The following SEMA3E variants were observed in gnomAD, a reference collection of about 807,000 sequenced individuals.
The protein encoded by SEMA3E is semaphorin 3E.
In SEMA3E, 49 loss-of-function variants were observed where a neutral mutation model predicts 93.6. That is an observed-to-expected ratio of 0.52 (90% CI 0.42 to 0.66). SEMA3E has a LOEUF of 0.66. Among genes scored for constraint, SEMA3E ranks in the 30% least tolerant of loss-of-function variants. SEMA3E has a pLI of 0.00. For synonymous variants in SEMA3E, 363 were observed against 330.7 expected (o/e 1.10, Z -1.06); for missense variants, 906 against 964.8 (o/e 0.94, Z 0.81).
chr7:83,514,456 ATGAG>A (rs1331260522), intron 1 of SEMA3E, among the ~76,000 whole-genome samples: 9 of 152,098 alleles, frequency 5.9e-5, no homozygotes, highest in Admixed American at 3.9e-4. Flanking sequence ...CTGTAATGTC[ATGAG>A]TTCAAATTCA....
At chr7:83,549,417 T>A (rs1001367321) in intron 1 of SEMA3E, among the ~76,000 whole-genome samples, 69 of 152,158 alleles carry the variant, frequency 4.5e-4, no homozygotes, top group African/African-American at 1.6e-3. Context: ...CCAATTATGC[T>A]TTTCCTGTCT....
intron 4 of SEMA3E, among the ~76,000 whole-genome samples, chr7:83,453,515 C>A (rs1789408769): frequency 6.8e-6 from 1 of 146,256 alleles, no homozygotes; most frequent in Non-Finnish European, 1.5e-5. Flanking sequence ...ACAAAAGAAA[C>A]AAACAAAACC....
At chr7:83,456,591 C>T (rs1457019479) in intron 4 of SEMA3E, among the ~76,000 whole-genome samples, 1 of 91,218 alleles carries the variant, frequency 1.1e-5, no homozygotes, top group Non-Finnish European at 2.1e-5. Context: ...TTTAACGACT[C>T]TATTTTATTT....
intron 1 of SEMA3E, among the ~76,000 whole-genome samples, chr7:83,544,900 C>T (rs554329827): frequency 7.9e-5 from 12 of 151,826 alleles, no homozygotes; most frequent in East Asian, 3.9e-4. Flanking sequence ...TTGACTTGAA[C>T]GAAATATATT....
At position 83,385,346 on chromosome 7, in the gene SEMA3E, T is replaced by C. The variant is rs1353828320; in HGVS notation, c.1823A>G (p.Gln608Arg). The C allele has an allele frequency of 1.2e-6, 2 of 1,613,448 alleles. No homozygotes were observed. The highest frequency in any genetic ancestry group is 2.2e-5 in the East Asian group (1 of 44,852). Reference sequence around the variant, plus strand: ...CTGTACAAACCAGATAACTTTCGCTTGTAAAGATCGTGGGGTACATTCCAG... The same window carrying C: ...CTGTACAAACCAGATAACTTTCGCTCGTAAAGATCGTGGGGTACATTCCAG... The part of the protein sequence containing the change: ...TLLECTPRSL[Q>R]AKVIWFVQKG... The change falls in exon 16 of 17, where the codon CAA (glutamine) becomes CGA (arginine). Residue 608 changes from glutamine (Q) to arginine (R), a missense_variant. Coordinates refer to ENST00000643230, the MANE Select transcript of SEMA3E (RefSeq NM_012431.3).
rs1210529028 is a variant in SEMA3E at position 83,373,148 on chromosome 7, A to T, written c.1876-5110T>A. ...TTCAGTATGTTTTATAATTTCTAGT[A>T]AAAAAAAAAGTAATTGAACAAAGAA... On this transcript the variant is annotated intron_variant, in intron 16 of 16. Coordinates refer to ENST00000643230, the MANE Select transcript of SEMA3E (RefSeq NM_012431.3). 8 of 115,308 alleles carry T rather than the reference A, an allele frequency of 6.9e-5. No homozygotes were observed. The East Asian group carries it at 2.2e-3, about 31-fold the overall frequency. The allele number at this position is 115,308 out of a possible 1,614,324, so 7.1% of individuals were successfully genotyped here.
In SEMA3E at chr7:83,490,213, A is replaced by T. The variant is rs762286847; in HGVS notation, c.177T>A (p.His59Gln). The change falls in exon 2 of 17, where the codon CAT becomes CAA. Residue 59 changes from histidine to glutamine, a missense_variant. By Grantham distance (24) the His-to-Gln change is conservative (BLOSUM62 0). Transcript: ENST00000643230. ...FHSPFGFLDLHTMLLDEYQER... is the reference protein window; with the variant it reads ...FHSPFGFLDLQTMLLDEYQER... ...CTTGATATTCATCCAGCAGCATTGT[A>T]TGGAGATCAAGAAATCCAAAAGGGC... The T allele has an allele frequency of 6.2e-7, 1 of 1,613,052 alleles. No individual in the cohort carries two copies. The highest frequency in any genetic ancestry group is 1.1e-5 in the South Asian group (1 of 91,060).
intron 4 of SEMA3E, among the ~76,000 whole-genome samples, chr7:83,440,493 ATCC>A (rs1437194834): frequency 2.0e-5 from 3 of 152,140 alleles, no homozygotes; most frequent in African/African-American, 4.8e-5. Context: ...GGATAATTTT[ATCC>A]TCATTTTATA....
At chr7:83,640,361 C>G (rs756015710) in intron 1 of SEMA3E, among the ~76,000 whole-genome samples, 8 of 152,150 alleles carry the variant, frequency 5.3e-5, no homozygotes, top group Non-Finnish European at 7.4e-5. Flanking sequence ...AATATTTTAA[C>G]TGACATTTAA....
intron 1 of SEMA3E, among the ~76,000 whole-genome samples, chr7:83,645,866 G>A (rs780861136): frequency 1.3e-5 from 2 of 151,832 alleles, no homozygotes; most frequent in Non-Finnish European, 2.9e-5. Context: ...CAAATCTCTG[G>A]ACATTTTTTT....
At chr7:83,638,403 G>T (rs1236677990) in intron 1 of SEMA3E, among the ~76,000 whole-genome samples, 1 of 152,236 alleles carries the variant, frequency 6.6e-6, no homozygotes, top group Admixed American at 6.5e-5. Flanking sequence ...AGACATGGAA[G>T]AATTTTTGAA....
chr7:83,479,206 T>C (rs1790088899), intron 2 of SEMA3E, among the ~76,000 whole-genome samples: 2 of 152,190 alleles, frequency 1.3e-5, no homozygotes, highest in Non-Finnish European at 2.9e-5. Context: ...AAAATTTCTG[T>C]CCTTCCTACC....
At chr7:83,581,721 T>C (rs1792522018) in intron 1 of SEMA3E, among the ~76,000 whole-genome samples, 1 of 151,990 alleles carries the variant, frequency 6.6e-6, no homozygotes, top group African/African-American at 2.4e-5. Flanking sequence ...ATCAAAGCTA[T>C]TAGCTAATAA....
intron 1 of SEMA3E, among the ~76,000 whole-genome samples, chr7:83,516,040 A>G (rs1219126235): frequency 6.6e-6 from 1 of 152,094 alleles, no homozygotes; most frequent in Non-Finnish European, 1.5e-5. Flanking sequence ...ACAAATAACA[A>G]CAACAACAAT....
At chr7:83,458,374 A>G (rs2115846217) in intron 4 of SEMA3E, among the ~76,000 whole-genome samples, 1 of 152,002 alleles carries the variant, frequency 6.6e-6, no homozygotes, top group East Asian at 1.9e-4. Flanking sequence ...AAACTTCTAG[A>G]AGGCACTGGA....
chr7:83,519,218 G>A (rs1342166801), intron 1 of SEMA3E, among the ~76,000 whole-genome samples: 4 of 151,572 alleles, frequency 2.6e-5, no homozygotes, highest in Non-Finnish European at 5.9e-5. Flanking sequence ...GAGAATATGC[G>A]GTGTTTGGTT....
At chr7:83,379,663 T>C (rs1461917117) in intron 16 of SEMA3E, among the ~76,000 whole-genome samples, 2 of 151,906 alleles carry the variant, frequency 1.3e-5, no homozygotes, top group Non-Finnish European at 2.9e-5. Flanking sequence ...CATCACTGCA[T>C]TGTGTCTAAG....
intron 4 of SEMA3E, among the ~76,000 whole-genome samples, chr7:83,437,601 A>T (rs1789030910): frequency 6.6e-6 from 1 of 152,148 alleles, no homozygotes. Context: ...GAGAGAAGGA[A>T]ACTCAAATGA....
intron 2 of SEMA3E, among the ~76,000 whole-genome samples, chr7:83,470,862 C>CTTTTT (rs60392556): frequency 6.4e-5 from 9 of 139,942 alleles, no homozygotes; most frequent in East Asian, 2.2e-4. Flanking sequence ...CCCACATTTT[C>CTTTTT]TTTTTTTTTT....
Sources: allele counts gnomAD v4.1 joint callset (sites outside exome capture counted in the v4.1 genomes callset), GRCh38; gene constraint gnomAD v4.1.1; transcripts MANE v1.5; gene names NCBI Gene and HGNC (gene_info 2026-07-23, HGNC 2026-07-21).